Variants in DAB2 observed in about 807,000 individuals in gnomAD.
DAB2 encodes the protein DAB adaptor protein 2.
In DAB2, 28 loss-of-function variants were observed where a neutral mutation model predicts 71.6. That is an observed-to-expected ratio of 0.39 (90% CI 0.29 to 0.54). The LOEUF (loss-of-function observed/expected upper bound fraction) is 0.54, where lower values mean the gene tolerates loss of function less well. DAB2 is among the 20% of genes least tolerant of loss of function. The pLI is 0.68. For synonymous variants in DAB2, 345 were observed against 339.7 expected (o/e 1.02, Z -0.17); for missense variants, 867 against 928.8 (o/e 0.93, Z 0.86).
intron 1 of DAB2, among the ~76,000 whole-genome samples, chr5:39,400,606 C>T (rs1209158702): frequency 6.6e-6 from 1 of 152,108 alleles, no homozygotes; most frequent in Non-Finnish European, 1.5e-5. Flanking sequence ...CCATTGGGCT[C>T]AAAGTGAGCA....
At position 39,393,212 on chromosome 5, in the gene DAB2, C is replaced by T. The variant is rs1561372042; in HGVS notation, c.231+42G>A. 3 of 1,596,648 alleles carry T rather than the reference C, an allele frequency of 1.9e-6. No homozygotes were observed. In the East Asian group the frequency reaches 6.7e-5, roughly 36 times the overall value. On this transcript the variant is annotated intron_variant, in intron 3 of 14. Transcript: ENST00000320816. The stretch of plus-strand genomic sequence containing the variant: ...TTCTAATATAATTCCCTCTCTTGGA[C>T]TTTTGCTTAATATACAGATAAAGCA...
Position 39,382,917 on chromosome 5 carries a change from C to G in DAB2, c.1042G>C (p.Asp348His), listed in dbSNP as rs1486807838. The G allele has an allele frequency of 6.2e-7, 1 of 1,613,990 alleles. No homozygotes were observed. Among genetic ancestry groups the G allele is most frequent in the Non-Finnish European group, 8.5e-7 (1 of 1,180,036 alleles). The change falls in exon 10 of 15, where the codon GAC becomes CAC. Residue 348 changes from aspartate (D) to histidine (H), a missense_variant. By Grantham distance (81) the Asp-to-His change is moderately conservative. This residue lies in a region of DAB2 where 740 missense variants were observed against 734.3 expected (regional missense o/e 1.01). Transcript: ENST00000320816. ...GDVDYFGQQF[D>H]QISNRTGKQE... ...TTGCCAGTCCGGTTAGAGATCTGGT[C>G]AAATTGCTGACCAAAGTAGTCAACA...
intron 1 of DAB2, among the ~76,000 whole-genome samples, chr5:39,403,666 T>C (rs898048155): frequency 6.6e-6 from 1 of 152,050 alleles, no homozygotes; most frequent in Admixed American, 6.5e-5. Context: ...TTTATTTCGG[T>C]ACATTCTCTA....
At chr5:39,391,514 G>A (rs2686166) in intron 4 of DAB2, among the ~76,000 whole-genome samples, 1 of 152,108 alleles carries the variant, frequency 6.6e-6, no homozygotes, top group Admixed American at 6.6e-5. Context: ...GGGTGCCAGG[G>A]CCCTAGGTTT....
intron 8 of DAB2, 104 bp from the exon 9 acceptor site, chr5:39,388,471 A>G (rs1191156657): frequency 8.3e-6 from 7 of 840,722 alleles, no homozygotes; most frequent in South Asian, 1.6e-5. Context: ...AGCTGTCACA[A>G]TTTAATTTCC....
rs575258856 is a variant in DAB2, at chr5:39,424,145, T to C, written c.-102+659A>G. 7.1e-4 allele frequency among the ~76,000 whole-genome samples: 108 copies of C among 152,162 alleles called. 1 individual carries two copies. The South Asian group carries it at 0.02, about 28-fold the overall frequency. ...TCCACGGTTTTAACCCATTCATTTT[T>C]CCCCCCTTTTTTAGAATTCTTACTT... On this transcript the variant is annotated intron_variant, in intron 1 of 14. Coordinates refer to ENST00000320816, the MANE Select transcript of DAB2 (RefSeq NM_001343.4).
intron 1 of DAB2, among the ~76,000 whole-genome samples, chr5:39,409,594 C>T (rs967192464): frequency 8.5e-5 from 13 of 152,180 alleles, no homozygotes; most frequent in African/African-American, 3.1e-4. Flanking sequence ...CCTAAAATCA[C>T]ACCTGTTAGT....
chr5:39,380,602 C>G (rs1411066473), intron 11 of DAB2, among the ~76,000 whole-genome samples: 13 of 152,244 alleles, frequency 8.5e-5, no homozygotes, highest in Non-Finnish European at 1.5e-5. Context: ...GAAAACTGTA[C>G]CATGGAGTCT....
chr5:39,375,757 G>C (rs1004973348), intron 13 of DAB2, among the ~76,000 whole-genome samples: 1 of 152,044 alleles, frequency 6.6e-6, no homozygotes, highest in Non-Finnish European at 1.5e-5. Context: ...GTGGTGGCAC[G>C]TGCCTATAGT....
chr5:39,401,678 T>C (rs1755500946), intron 1 of DAB2, among the ~76,000 whole-genome samples: 1 of 152,212 alleles, frequency 6.6e-6, no homozygotes, highest in Non-Finnish European at 1.5e-5. Context: ...TAACAAATGG[T>C]AGCTGTATTA....
intron 1 of DAB2, among the ~76,000 whole-genome samples, chr5:39,401,509 C>T (rs193151354): frequency 6.6e-6 from 1 of 152,236 alleles, no homozygotes; most frequent in Admixed American, 6.5e-5. Flanking sequence ...GTGAGTCCCA[C>T]CCACCCAGGA....
intron 1 of DAB2, among the ~76,000 whole-genome samples, chr5:39,403,602 T>C (rs928755322): frequency 1.3e-5 from 2 of 152,214 alleles, no homozygotes; most frequent in Non-Finnish European, 2.9e-5. Flanking sequence ...GTCTCATTAA[T>C]ATTGATTTGG....
chr5:39,406,351 T>C (rs1310242834), intron 1 of DAB2, among the ~76,000 whole-genome samples: 4 of 152,122 alleles, frequency 2.6e-5, no homozygotes, highest in African/African-American at 4.8e-5. Context: ...ATGGCGGAAC[T>C]CTACTGAGCA....
intron 1 of DAB2, among the ~76,000 whole-genome samples, chr5:39,420,284 A>G (rs1327347751): frequency 1.3e-5 from 2 of 152,220 alleles, no homozygotes; most frequent in African/African-American, 4.8e-5. Context: ...TTTTGGGACT[A>G]ACATTTTGCA....
chr5:39,396,996 C>G (rs1239248063), intron 1 of DAB2, among the ~76,000 whole-genome samples: 2 of 152,212 alleles, frequency 1.3e-5, no homozygotes, highest in Non-Finnish European at 2.9e-5. Flanking sequence ...GCTTTGCCTG[C>G]TGGCTGCATG....
At chr5:39,407,466 G>A (rs138393148) in intron 1 of DAB2, among the ~76,000 whole-genome samples, 2,247 of 152,304 alleles carry the variant, frequency 0.015, 44 homozygotes, top group African/African-American at 0.052. Flanking sequence ...CTCCCAAAGT[G>A]CTGGGATTAC....
intron 1 of DAB2, among the ~76,000 whole-genome samples, chr5:39,418,881 T>A (rs1755909357): frequency 6.6e-6 from 1 of 151,788 alleles, no homozygotes; most frequent in Non-Finnish European, 1.5e-5. Flanking sequence ...TTCTGAAGAG[T>A]TTTTAATTTT....
In DAB2 at chr5:39,382,957, C is replaced by T; in HGVS notation, c.1002G>A (p.Gly334=). 1 of 1,614,058 alleles carries T rather than the reference C, an allele frequency of 6.2e-7. No homozygotes were observed. Among genetic ancestry groups the T allele is most frequent in the Non-Finnish European group, 8.5e-7 (1 of 1,180,010 alleles). ...AGTAGTCAACATCACCATTCAGGGGCCCATTACTCAGCGGAGTAGACGAGC... is the reference window on the plus strand; with the variant it reads ...AGTAGTCAACATCACCATTCAGGGGTCCATTACTCAGCGGAGTAGACGAGC... ...SSSSSTPLSN[G]PLNGDVDYFG... is the part of the protein sequence containing the mutation. The change falls in exon 10 of 15, where the codon GGG becomes GGA. Residue 334 remains glycine (G), a synonymous_variant. Transcript: ENST00000320816.
At chr5:39,420,815 T>A (rs1053471440) in intron 1 of DAB2, among the ~76,000 whole-genome samples, 7 of 152,182 alleles carry the variant, frequency 4.6e-5, no homozygotes, top group Admixed American at 4.6e-4. Flanking sequence ...TTGTTCAGAT[T>A]CTACTTCCCC....
Sources: gnomAD v4.1 joint callset for allele counts (sites outside exome capture counted in the v4.1 genomes callset) on GRCh38, gnomAD v4.1.1 for gene constraint, gnomAD v4.1.1 regional missense constraint, MANE v1.5 for transcripts, NCBI Gene and HGNC (gene_info 2026-07-23, HGNC 2026-07-21) for gene names.